Variants in RGS7BP observed in about 807,000 individuals in gnomAD.
RGS7BP encodes the protein regulator of G protein signaling 7-binding protein.
A neutral mutation model predicts 31.3 loss-of-function variants in RGS7BP; 9 were observed. The observed-to-expected ratio is 0.29, with a 90% CI of 0.17 to 0.50. The LOEUF (loss-of-function observed/expected upper bound fraction) is 0.50. RGS7BP is among the 20% of genes least tolerant of loss of function. The pLI is 0.98. For synonymous variants in RGS7BP, 115 were observed against 120.1 expected, an observed-to-expected ratio of 0.96 and a Z score of 0.28; for missense variants, 274 against 322.0, an observed-to-expected ratio of 0.85 and a Z score of 1.14.
rs116207657 is a variant in RGS7BP, at chr5:64,561,812, C to T, written c.333-13962C>T. Among the ~76,000 whole-genome samples the T allele has an allele frequency of 3.6e-3, 541 of 152,178 alleles. 5 individuals are homozygous for T. Among genetic ancestry groups the T allele is most frequent in the African/African-American group, 0.011 (475 of 41,514 alleles). On this transcript the variant is annotated intron_variant, in intron 2 of 5. Coordinates refer to ENST00000334025, the MANE Select transcript of RGS7BP (RefSeq NM_001029875.3). ...TCTCTATTGGAGAGACTAACCTAAA[C>T]GTTTGCTAATCACTATCTCCTCCTG...
At chr5:64,605,857 G>T (rs1296340910) in intron 5 of RGS7BP, among the ~76,000 whole-genome samples, 1 of 150,716 alleles carries the variant, frequency 6.6e-6, no homozygotes, top group Non-Finnish European at 1.5e-5. Context: ...ATGTGTATAT[G>T]TGGGTATGTA....
chr5:64,582,005 AAGAAGG>A (rs1742612860), intron 3 of RGS7BP, among the ~76,000 whole-genome samples: 1 of 152,222 alleles, frequency 6.6e-6, no homozygotes, highest in African/African-American at 2.4e-5. Context: ...TGTTTGTTTT[AAGAAGG>A]TGACAGATGG....
In RGS7BP at chr5:64,575,833, G is replaced by T; in HGVS notation, c.392G>T (p.Cys131Phe). Reference protein sequence around the residue: ...ICRLYIQLQCCLEMYTTEMLK... With the variant: ...ICRLYIQLQCFLEMYTTEMLK... ...CGGCTTTACATCCAGCTGCAGTGCT[G>T]CTTAGAAATGTATACCACAGAGATG... Residue 131 changes from cysteine (C) to phenylalanine (F), a missense_variant, in exon 3 of 6, where the codon TGC becomes TTC. Transcript: ENST00000334025. The T allele has an allele frequency of 1.9e-6, 3 of 1,613,374 alleles. No homozygotes were observed. The highest frequency in any genetic ancestry group is 2.5e-6 in the Non-Finnish European group (3 of 1,179,600).
chr5:64,609,122 T>C (rs773677722), intron 5 of RGS7BP, 39 bp from the exon 6 acceptor site: 1 of 1,303,234 alleles, frequency 7.7e-7, no homozygotes. Context: ...GGTTGTTGTG[T>C]CTATACCTCA....
At chr5:64,585,520 G>A (rs1246399983) in intron 3 of RGS7BP, among the ~76,000 whole-genome samples, 1 of 151,868 alleles carries the variant, frequency 6.6e-6, no homozygotes, top group African/African-American at 2.4e-5. Context: ...AAGGAAAGGG[G>A]TCTCTAGAGT....
chr5:64,582,785 G>T (rs114194466), intron 3 of RGS7BP, among the ~76,000 whole-genome samples: 1,637 of 152,100 alleles, frequency 0.011, 35 homozygotes, highest in African/African-American at 0.038. Flanking sequence ...TCAAGACAAA[G>T]AATAAAATAT....
intron 2 of RGS7BP, among the ~76,000 whole-genome samples, chr5:64,528,531 G>T (rs1227433700): frequency 6.6e-6 from 1 of 152,156 alleles, no homozygotes; most frequent in Non-Finnish European, 1.5e-5. Flanking sequence ...GGAAGGATAG[G>T]CCGGGTGCAG....
chr5:64,591,676 C>CAA (rs1347026906), intron 3 of RGS7BP, among the ~76,000 whole-genome samples: 1 of 152,084 alleles, frequency 6.6e-6, no homozygotes, highest in African/African-American at 2.4e-5. Flanking sequence ...AAAAAGAGAA[C>CAA]AATTAAAACC....
intron 2 of RGS7BP, among the ~76,000 whole-genome samples, chr5:64,556,326 T>C (rs1741920889): frequency 6.8e-6 from 1 of 147,442 alleles, no homozygotes; most frequent in Non-Finnish European, 1.5e-5. Flanking sequence ...TCCACAGTGG[T>C]TGAAATGATT....
chr5:64,586,670 G>A (rs1230990334), intron 3 of RGS7BP, among the ~76,000 whole-genome samples: 1 of 152,218 alleles, frequency 6.6e-6, no homozygotes, highest in African/African-American at 2.4e-5. Flanking sequence ...TGATCACCAT[G>A]AGTATGTTCA....
At chr5:64,548,852 T>A (rs1240486054) in intron 2 of RGS7BP, among the ~76,000 whole-genome samples, 1 of 126,304 alleles carries the variant, frequency 7.9e-6, no homozygotes. Context: ...AGCCCTTTCC[T>A]TTTTTTTTTT....
At chr5:64,545,465 G>C (rs902845230) in intron 2 of RGS7BP, among the ~76,000 whole-genome samples, 1 of 151,680 alleles carries the variant, frequency 6.6e-6, no homozygotes, top group Non-Finnish European at 1.5e-5. Flanking sequence ...GAGAACCATT[G>C]AAGAGTTTTA....
intron 3 of RGS7BP, among the ~76,000 whole-genome samples, chr5:64,588,500 T>C (rs1177209299): frequency 2.6e-5 from 4 of 152,220 alleles, no homozygotes; most frequent in African/African-American, 9.6e-5. Context: ...GTACAGGTAG[T>C]GTTTGGCCCT....
At chr5:64,590,926 GATT>G (rs1245880273) in intron 3 of RGS7BP, among the ~76,000 whole-genome samples, 1 of 152,022 alleles carries the variant, frequency 6.6e-6, no homozygotes, top group African/African-American at 2.4e-5. Flanking sequence ...TAAAAATTTA[GATT>G]ATTATACCAT....
At chr5:64,574,164 T>G (rs1252368294) in intron 2 of RGS7BP, among the ~76,000 whole-genome samples, 1 of 152,192 alleles carries the variant, frequency 6.6e-6, no homozygotes, top group African/African-American at 2.4e-5. Flanking sequence ...TTTTATTACA[T>G]GAACCATTAA....
intron 2 of RGS7BP, among the ~76,000 whole-genome samples, chr5:64,551,125 G>A (rs2111835928): frequency 6.6e-6 from 1 of 151,544 alleles, no homozygotes; most frequent in Middle Eastern, 3.4e-3. Context: ...TCTCTGTATT[G>A]GGTTTTCTGC....
intron 3 of RGS7BP, among the ~76,000 whole-genome samples, chr5:64,588,299 C>T (rs529417989): frequency 6.6e-6 from 1 of 152,304 alleles, no homozygotes; most frequent in South Asian, 2.1e-4. Flanking sequence ...TTGTTTTACC[C>T]TATCTTCTCA....
chr5:64,554,889 T>G (rs912762563), intron 2 of RGS7BP, among the ~76,000 whole-genome samples: 2 of 151,882 alleles, frequency 1.3e-5, no homozygotes, highest in Non-Finnish European at 2.9e-5. Flanking sequence ...TAAAAATGAA[T>G]ATATATATAC....
chr5:64,564,735 G>T (rs1449692819), intron 2 of RGS7BP, among the ~76,000 whole-genome samples: 2 of 152,004 alleles, frequency 1.3e-5, no homozygotes, highest in Non-Finnish European at 2.9e-5. Flanking sequence ...CTAATTCCTT[G>T]CGCTGTAAGC....
Sources: allele counts gnomAD v4.1 joint callset (sites outside exome capture counted in the v4.1 genomes callset), GRCh38; gene constraint gnomAD v4.1.1; transcripts MANE v1.5; gene names NCBI Gene and HGNC (gene_info 2026-07-23, HGNC 2026-07-21).